Variants in CLSTN2 observed in about 807,000 individuals in gnomAD.
The protein encoded by CLSTN2 is calsyntenin-2.
A neutral mutation model predicts 101.2 loss-of-function variants in CLSTN2; 48 were observed. The ratio of observed to expected loss-of-function variants is 0.47; its 90% CI spans 0.38 to 0.60. The LOEUF is 0.60. CLSTN2 is among the 20% of genes least tolerant of loss of function. The pLI is 0.00. For missense variants in CLSTN2, 1,160 were observed against 1,238.2 expected (o/e 0.94, Z 0.95); for synonymous variants, 481 against 463.6 (o/e 1.04, Z -0.48).
At chr3:140,460,736 A>G (rs1933541758) in intron 7 of CLSTN2, among the ~76,000 whole-genome samples, 3 of 152,360 alleles carry the variant, frequency 2.0e-5, no homozygotes, top group Middle Eastern at 3.4e-3. Flanking sequence ...CCAAGATCTT[A>G]TGCAAATTGT....
At chr3:140,545,324 C>A (rs1935565455) in intron 9 of CLSTN2, among the ~76,000 whole-genome samples, 1 of 152,132 alleles carries the variant, frequency 6.6e-6, no homozygotes, top group African/African-American at 2.4e-5. Flanking sequence ...CTGCTGGCAG[C>A]AAAGAGGGCT....
At chr3:140,308,578 G>A (rs1227001607) in intron 2 of CLSTN2, among the ~76,000 whole-genome samples, 1 of 152,220 alleles carries the variant, frequency 6.6e-6, no homozygotes, top group Non-Finnish European at 1.5e-5. Flanking sequence ...CAATTCTGAA[G>A]CATTGTGTGA....
At position 139,943,062 on chromosome 3, in the gene CLSTN2, G is replaced by A. The variant is rs866485871; in HGVS notation, c.109+7579G>A. ...CAGTATCTGTTTCCTTTAGGATGCC[G>A]CAGCCCCATATGTCCCAAACTAAGC... On this transcript the variant is annotated intron_variant, in intron 1 of 16. Transcript: ENST00000458420. Among the ~76,000 whole-genome samples, 8 of 151,888 alleles carry A rather than the reference G, an allele frequency of 5.3e-5. No individual in the cohort carries two copies. The East Asian group carries it at 5.8e-4, about 11-fold the overall frequency.
At chr3:140,442,649 G>T (rs549497600) in intron 5 of CLSTN2, among the ~76,000 whole-genome samples, 27 of 152,296 alleles carry the variant, frequency 1.8e-4, no homozygotes, top group African/African-American at 6.3e-4. Flanking sequence ...TGATCGAGGG[G>T]TGGCTATCAG....
intron 4 of CLSTN2, among the ~76,000 whole-genome samples, chr3:140,407,271 G>A (rs1419082731): frequency 1.3e-5 from 2 of 152,190 alleles, no homozygotes; most frequent in African/African-American, 4.8e-5. Flanking sequence ...CCTGCTCATT[G>A]AGGCCTAGGT....
intron 9 of CLSTN2, among the ~76,000 whole-genome samples, chr3:140,544,692 G>A (rs558076689): frequency 2.0e-5 from 3 of 150,816 alleles, no homozygotes; most frequent in East Asian, 2.0e-4. Flanking sequence ...TAAAATGAAC[G>A]TTCTAAGGCT....
chr3:139,976,605 CAG>C (rs1345470334), intron 1 of CLSTN2, among the ~76,000 whole-genome samples: 1 of 152,170 alleles, frequency 6.6e-6, no homozygotes, highest in Non-Finnish European at 1.5e-5. Flanking sequence ...CCACTGTGCC[CAG>C]AGTGCCAAGT....
intron 2 of CLSTN2, among the ~76,000 whole-genome samples, chr3:140,362,542 G>GA (rs1440956059): frequency 6.6e-6 from 1 of 151,822 alleles, no homozygotes; most frequent in African/African-American, 2.4e-5. Flanking sequence ...CAGACTTGGA[G>GA]AAAAAAACGT....
intron 1 of CLSTN2, among the ~76,000 whole-genome samples, chr3:140,124,145 G>A (rs928723498): frequency 6.6e-6 from 1 of 152,130 alleles, no homozygotes; most frequent in Non-Finnish European, 1.5e-5. Flanking sequence ...ACAGAGAATA[G>A]CATCCTAGGG....
intron 1 of CLSTN2, among the ~76,000 whole-genome samples, chr3:139,940,064 A>G (rs1244542374): frequency 6.6e-6 from 1 of 152,120 alleles, no homozygotes; most frequent in Admixed American, 6.5e-5. Context: ...TCTTTCCTGC[A>G]TGCCTGTGTT....
intron 5 of CLSTN2, among the ~76,000 whole-genome samples, chr3:140,421,665 G>A (rs949778018): frequency 6.6e-6 from 1 of 152,164 alleles, no homozygotes; most frequent in Non-Finnish European, 1.5e-5. Context: ...GGGGAAAGTC[G>A]CCATGTTCTT....
chr3:140,199,159 A>G (rs1209195237), intron 2 of CLSTN2, among the ~76,000 whole-genome samples: 2 of 152,176 alleles, frequency 1.3e-5, no homozygotes, highest in African/African-American at 4.8e-5. Flanking sequence ...GAGTTTCCTT[A>G]TCTTGTAAGT....
chr3:140,075,374 C>T (rs80148833), intron 1 of CLSTN2, among the ~76,000 whole-genome samples: 3,234 of 152,168 alleles, frequency 0.021, 134 homozygotes, highest in African/African-American at 0.073. Flanking sequence ...TCATAGAACT[C>T]GAAATAGTTT....
intron 1 of CLSTN2, among the ~76,000 whole-genome samples, chr3:139,955,116 A>ATATATATATC (rs1332049032): frequency 9.3e-5 from 10 of 107,448 alleles, no homozygotes; most frequent in Non-Finnish European, 2.2e-4. Flanking sequence ...ATATTGCTAT[A>ATATATATATC]TATATATATA....
intron 4 of CLSTN2, among the ~76,000 whole-genome samples, chr3:140,420,299 A>G (rs2088486487): frequency 6.6e-6 from 1 of 152,158 alleles, no homozygotes; most frequent in South Asian, 2.1e-4. Flanking sequence ...GCCAAAAAAA[A>G]AAAAAGTAGT....
chr3:140,341,779 T>A (rs1001504317), intron 2 of CLSTN2, among the ~76,000 whole-genome samples: 2 of 152,232 alleles, frequency 1.3e-5, no homozygotes, highest in African/African-American at 4.8e-5. Context: ...TTACTACAGT[T>A]ACAATGTCCT....
At chr3:140,505,344 C>T (rs1934666300) in intron 8 of CLSTN2, among the ~76,000 whole-genome samples, 1 of 152,156 alleles carries the variant, frequency 6.6e-6, no homozygotes, top group Non-Finnish European at 1.5e-5. Flanking sequence ...AAGGTCTGTA[C>T]TGGGGCTCCA....
At chr3:140,271,970 T>G (rs1377801622) in intron 2 of CLSTN2, among the ~76,000 whole-genome samples, 1 of 152,212 alleles carries the variant, frequency 6.6e-6, no homozygotes. Context: ...ATTCTTTAAC[T>G]TCCTGTCCTA....
At chr3:140,014,758 G>A (rs2007164011) in intron 1 of CLSTN2, among the ~76,000 whole-genome samples, 1 of 152,192 alleles carries the variant, frequency 6.6e-6, no homozygotes, top group Non-Finnish European at 1.5e-5. Context: ...TCAGAGACAG[G>A]ATGAGATGGC....
Sources: gnomAD v4.1 joint callset for allele counts (sites outside exome capture counted in the v4.1 genomes callset) on GRCh38, gnomAD v4.1.1 for gene constraint, MANE v1.5 for transcripts, NCBI Gene and HGNC (gene_info 2026-07-23, HGNC 2026-07-21) for gene names.